The following ACAP2 variants were observed in gnomAD, a reference collection of about 807,000 sequenced individuals.
The protein encoded by ACAP2 is arf-GAP with coiled-coil, ANK repeat and PH domain-containing protein 2.
A neutral mutation model predicts 115.8 loss-of-function variants in ACAP2; 39 were observed. The observed-to-expected ratio is 0.34, with a 90% CI of 0.26 to 0.44. The LOEUF is 0.44. Ranked by LOEUF, ACAP2 falls within the 20% of genes least tolerant of loss-of-function variation. The pLI is 1.00. For synonymous variants in ACAP2, 289 were observed against 315.8 expected, an observed-to-expected ratio of 0.92 and a Z score of 0.90; for missense variants, 662 against 927.6, an observed-to-expected ratio of 0.71 and a Z score of 3.72.
chr3:195,329,517 CTG>C (rs1381132996), intron 8 of ACAP2, among the ~76,000 whole-genome samples: 1 of 152,190 alleles, frequency 6.6e-6, no homozygotes, highest in Non-Finnish European at 1.5e-5. Flanking sequence ...CTTAATAAAA[CTG>C]CTAACCCATA....
intron 1 of ACAP2, among the ~76,000 whole-genome samples, chr3:195,416,124 G>A (rs933564005): frequency 2.0e-5 from 3 of 152,164 alleles, no homozygotes; most frequent in African/African-American, 7.2e-5. Context: ...GAGGTGGGAG[G>A]ATCATGAGGT....
chr3:195,413,933 T>G (rs1209743209), intron 1 of ACAP2, among the ~76,000 whole-genome samples: 1 of 149,846 alleles, frequency 6.7e-6, no homozygotes, highest in African/African-American at 2.5e-5. Context: ...TATGACTGTA[T>G]CACTACGCTG....
intron 3 of ACAP2, 66 bp from the exon 4 acceptor site, chr3:195,381,128 T>G: frequency 1.6e-6 from 2 of 1,222,736 alleles, no homozygotes; most frequent in Non-Finnish European, 2.3e-6. Context: ...CACAAAAATG[T>G]GACCTCAGAA....
intron 2 of ACAP2, among the ~76,000 whole-genome samples, chr3:195,387,564 C>A (rs1260647933): frequency 6.6e-6 from 1 of 152,180 alleles, no homozygotes; most frequent in Admixed American, 6.5e-5. Context: ...CTCTGTCACC[C>A]AGGCTGGAGT....
chr3:195,359,504 G>A (rs10439947), intron 4 of ACAP2, among the ~76,000 whole-genome samples: 42,622 of 152,144 alleles, frequency 0.28, 6,792 homozygotes, highest in East Asian at 0.71. Context: ...GTCTCGCTCT[G>A]TCACCCAGGC....
At chr3:195,410,114 C>A (rs1005835915) in intron 1 of ACAP2, among the ~76,000 whole-genome samples, 1 of 151,882 alleles carries the variant, frequency 6.6e-6, no homozygotes, top group Non-Finnish European at 1.5e-5. Flanking sequence ...CCAGAATTAA[C>A]CCTCATATAT....
chr3:195,318,666 T>C (rs1232251756), intron 10 of ACAP2, among the ~76,000 whole-genome samples: 1 of 152,204 alleles, frequency 6.6e-6, no homozygotes, highest in Non-Finnish European at 1.5e-5. Flanking sequence ...AGAGGTGACT[T>C]GGATTTCCCG....
intron 10 of ACAP2, among the ~76,000 whole-genome samples, chr3:195,319,163 T>C (rs1200239031): frequency 1.3e-5 from 2 of 152,192 alleles, no homozygotes; most frequent in Non-Finnish European, 2.9e-5. Flanking sequence ...AGACGAGAAT[T>C]TAGGTTTGGG....
chr3:195,348,281 C>T (rs1427392416), intron 4 of ACAP2, among the ~76,000 whole-genome samples: 1 of 151,394 alleles, frequency 6.6e-6, no homozygotes, highest in East Asian at 1.9e-4. Context: ...AAAGAAATGG[C>T]ACACATACCT....
chr3:195,281,731 A>G (rs927252561), intron 22 of ACAP2, among the ~76,000 whole-genome samples: 2 of 152,258 alleles, frequency 1.3e-5, no homozygotes, highest in African/African-American at 4.8e-5. Flanking sequence ...CAAAAGACAA[A>G]CATTGCTATT....
chr3:195,429,192 A>G (rs1714917878), intron 1 of ACAP2, among the ~76,000 whole-genome samples: 1 of 152,044 alleles, frequency 6.6e-6, no homozygotes, highest in Admixed American at 6.6e-5. Context: ...GTTCGAGACC[A>G]GCCTGGCCAA....
At position 195,276,273 on chromosome 3, in the gene ACAP2, G is replaced by T. The variant is rs559778913; in HGVS notation, c.*3055C>A. 1 of 152,178 alleles carries T rather than the reference G, an allele frequency of 6.6e-6. No individual in the cohort carries two copies. Among genetic ancestry groups the T allele is most frequent in the African/African-American group, 2.4e-5 (1 of 41,506 alleles). 9.4% of individuals were successfully genotyped at this position (152,178 alleles called of 1,614,324 possible). A position where few individuals can be genotyped will look rare whatever the true frequency, so the allele number is the denominator to read the frequency against. ...ATGTCTGGAAAAGTAACCAATCAAA[G>T]TTCATTAAAATATACAGTGAAAACC... On this transcript the variant is annotated 3_prime_UTR_variant, in exon 23 of 23. Transcript: ENST00000326793.
chr3:195,328,841 A>C (rs1729977170), intron 8 of ACAP2, among the ~76,000 whole-genome samples: 1 of 152,192 alleles, frequency 6.6e-6, no homozygotes, highest in African/African-American at 2.4e-5. Context: ...GCACTTTGGG[A>C]GGCCGAGATG....
intron 1 of ACAP2, among the ~76,000 whole-genome samples, chr3:195,438,070 G>A (rs1178942551): frequency 1.4e-5 from 2 of 144,754 alleles, no homozygotes; most frequent in African/African-American, 5.2e-5. Flanking sequence ...CTGTCCCCCA[G>A]GCTGGAGTGC....
intron 1 of ACAP2, among the ~76,000 whole-genome samples, chr3:195,399,619 C>CTA (rs144734777): frequency 0.022 from 3,327 of 151,078 alleles, 115 homozygotes; most frequent in East Asian, 0.1. Flanking sequence ...AAAAAAGTAG[C>CTA]GAAAAAAAAA....
intron 4 of ACAP2, among the ~76,000 whole-genome samples, chr3:195,345,967 T>G (rs1731164913): frequency 6.6e-6 from 1 of 152,138 alleles, no homozygotes; most frequent in Admixed American, 6.6e-5. Flanking sequence ...CCTTTAATAA[T>G]TTACAGATAT....
intron 10 of ACAP2, among the ~76,000 whole-genome samples, chr3:195,311,212 T>C (rs1465193053): frequency 6.6e-6 from 1 of 151,014 alleles, no homozygotes; most frequent in South Asian, 2.1e-4. Flanking sequence ...TCCTGGTACC[T>C]TAACCTCCCA....
At chr3:195,435,576 A>T (rs963617735) in intron 1 of ACAP2, among the ~76,000 whole-genome samples, 2 of 152,096 alleles carry the variant, frequency 1.3e-5, no homozygotes, top group Admixed American at 1.3e-4. Flanking sequence ...TCATCTGAAA[A>T]TATTTCTTCA....
At chr3:195,353,679 G>C (rs776418608) in intron 4 of ACAP2, among the ~76,000 whole-genome samples, 6 of 152,116 alleles carry the variant, frequency 3.9e-5, no homozygotes, top group African/African-American at 1.4e-4. Flanking sequence ...TATTTGTAGC[G>C]ATTTCATGGA....
Sources: gnomAD v4.1 joint callset for allele counts (sites outside exome capture counted in the v4.1 genomes callset) on GRCh38, gnomAD v4.1.1 for gene constraint, MANE v1.5 for transcripts, NCBI Gene and HGNC (gene_info 2026-07-23, HGNC 2026-07-21) for gene names.